RHBDD1: variants seen among roughly 807,000 people sequenced by gnomAD.
The protein encoded by RHBDD1 is rhomboid domain containing 1.
In RHBDD1, 38 loss-of-function variants were observed where a neutral mutation model predicts 36.3. The ratio of observed to expected loss-of-function variants is 1.05; its 90% CI spans 0.81 to 1.37. The LOEUF (loss-of-function observed/expected upper bound fraction) is 1.37. Among genes scored for constraint, RHBDD1 ranks in the 40% most tolerant of loss-of-function variants. The pLI, the probability that RHBDD1 is intolerant of heterozygous loss-of-function variation, is 0.00. For missense variants in RHBDD1, 393 were observed against 377.6 expected, an observed-to-expected ratio of 1.04 and a Z score of -0.34; for synonymous variants, 151 against 136.5, an observed-to-expected ratio of 1.11 and a Z score of -0.74.
chr2:226,908,714 C>G (rs956457544), intron 6 of RHBDD1, 108 bp from the exon 7 acceptor site: 46 of 773,216 alleles, frequency 5.9e-5, no homozygotes, highest in Non-Finnish European at 9.3e-5. Flanking sequence ...GTTTAGAAAT[C>G]ATTTGAAATG....
At chr2:226,884,673 A>G (rs1044593319) in intron 5 of RHBDD1, among the ~76,000 whole-genome samples, 4 of 152,200 alleles carry the variant, frequency 2.6e-5, no homozygotes, top group Admixed American at 2.0e-4. Context: ...TAAAGATAAC[A>G]TAAAAATCAG....
chr2:226,918,388 A>G (rs1461516380), intron 8 of RHBDD1, among the ~76,000 whole-genome samples: 1 of 151,894 alleles, frequency 6.6e-6, no homozygotes, highest in African/African-American at 2.4e-5. Flanking sequence ...GACTCTCATC[A>G]CGCTGTTGTG....
rs368386257 is a variant in RHBDD1, at chr2:226,894,374, A to C, written c.567-12419A>C. ...AACTTCTGCCTCTTGGGCTCAAGTG[A>C]TTCTCCTGCCTCAGCTTCCCAAGTA... On this transcript the variant is annotated intron_variant, in intron 5 of 8. Coordinates refer to ENST00000392062, the MANE Select transcript of RHBDD1 (RefSeq NM_001167608.3). 6.6e-5 allele frequency among the ~76,000 whole-genome samples: 10 copies of C among 152,250 alleles called. No individual in the cohort carries two copies. In the East Asian group the frequency reaches 1.9e-3, roughly 29 times the overall value.
intron 8 of RHBDD1, among the ~76,000 whole-genome samples, chr2:226,962,565 G>A (rs1559316658): frequency 1.3e-5 from 2 of 152,158 alleles, no homozygotes; most frequent in Non-Finnish European, 2.9e-5. Context: ...AAATTCTTCA[G>A]GCTTTTACAT....
At chr2:226,832,345 C>T (rs1475894237), upstream of RHBDD1, among the ~76,000 whole-genome samples, 1 of 152,110 alleles carries the variant, frequency 6.6e-6, no homozygotes, top group African/African-American at 2.4e-5. Flanking sequence ...GGAGAATGTA[C>T]TTTGTATGAT....
intron 8 of RHBDD1, among the ~76,000 whole-genome samples, chr2:226,933,427 A>C: frequency 6.6e-6 from 1 of 152,138 alleles, no homozygotes. Context: ...GGTTCTGAGA[A>C]AACCTGAAAG....
chr2:226,908,037 A>G (rs1000106004), intron 6 of RHBDD1, among the ~76,000 whole-genome samples: 1 of 152,074 alleles, frequency 6.6e-6, no homozygotes, highest in Admixed American at 6.6e-5. Context: ...TTTAAAGAGG[A>G]TTTTCCCCTA....
intron 8 of RHBDD1, among the ~76,000 whole-genome samples, chr2:226,946,346 G>T (rs911530656): frequency 9.9e-5 from 15 of 152,226 alleles, no homozygotes; most frequent in Admixed American, 9.2e-4. Flanking sequence ...TCAAAGATCA[G>T]ATGGTTGTAG....
At chr2:226,925,726 C>A (rs539889651) in intron 8 of RHBDD1, among the ~76,000 whole-genome samples, 1 of 152,266 alleles carries the variant, frequency 6.6e-6, no homozygotes, top group Admixed American at 6.5e-5. Context: ...AGACCTGTTT[C>A]CTTGAAACTA....
chr2:226,878,239 C>T (rs1169777941), intron 5 of RHBDD1, among the ~76,000 whole-genome samples: 1 of 151,066 alleles, frequency 6.6e-6, no homozygotes, highest in African/African-American at 2.4e-5. Context: ...AGAATATGTA[C>T]AATTATATAC....
In RHBDD1 at chr2:226,995,806, T is replaced by C. The variant is rs926724327; in HGVS notation, c.*284T>C. 14 of 415,558 alleles carry C rather than the reference T, an allele frequency of 3.4e-5. No individual in the cohort carries two copies. Among genetic ancestry groups the C allele is most frequent in the Admixed American group, 2.9e-4 (7 of 23,882 alleles). 25.7% of individuals were successfully genotyped at this position (415,558 alleles called of 1,614,324 possible). On this transcript the variant is annotated 3_prime_UTR_variant, in exon 9 of 9. Transcript: ENST00000392062. ...CCATCTCTCACTGCTGACTCAGCGA[T>C]GCCTCTGCCTCGGTCTGCTTTTGAA... is the stretch of plus-strand genomic sequence containing the variant.
intron 5 of RHBDD1, among the ~76,000 whole-genome samples, chr2:226,883,888 A>T (rs1049460193): frequency 1.3e-5 from 2 of 152,214 alleles, no homozygotes; most frequent in Admixed American, 1.3e-4. Context: ...TTAGAAGTTA[A>T]TTACAAATGT....
intron 8 of RHBDD1, among the ~76,000 whole-genome samples, chr2:226,955,219 C>G (rs2149240396): frequency 6.6e-6 from 1 of 152,278 alleles, no homozygotes; most frequent in South Asian, 2.1e-4. Flanking sequence ...AGGTGGGAGA[C>G]AGGAGCCCTG....
chr2:226,949,629 AT>A (rs1437268604), intron 8 of RHBDD1, among the ~76,000 whole-genome samples: 4 of 152,202 alleles, frequency 2.6e-5, no homozygotes, highest in African/African-American at 7.2e-5. Context: ...AATTTGATTA[AT>A]AATTATATTA....
At chr2:226,927,337 TTTTTTTG>T (rs980470476) in intron 8 of RHBDD1, among the ~76,000 whole-genome samples, 15 of 151,756 alleles carry the variant, frequency 9.9e-5, no homozygotes, top group African/African-American at 3.1e-4. Context: ...ACCAGAAGTT[TTTTTTTG>T]TTTTTTTGTT....
At chr2:226,976,450 G>A (rs1217583108) in intron 8 of RHBDD1, among the ~76,000 whole-genome samples, 1 of 151,918 alleles carries the variant, frequency 6.6e-6, no homozygotes, top group Admixed American at 6.6e-5. Flanking sequence ...TTATCAAAAT[G>A]TGTGAGCTTT....
the RHBDD1 span, among the ~76,000 whole-genome samples, chr2:226,800,555 C>T: frequency 1.3e-5 from 2 of 152,166 alleles, no homozygotes; most frequent in African/African-American, 4.8e-5. Flanking sequence ...TAAATATCAC[C>T]TTTTCTCCTG....
At chr2:226,992,288 C>T (rs1317640992) in intron 8 of RHBDD1, among the ~76,000 whole-genome samples, 2 of 152,182 alleles carry the variant, frequency 1.3e-5, no homozygotes, top group Non-Finnish European at 2.9e-5. Flanking sequence ...TAGGGGCTGA[C>T]ATCAACTTTG....
intron 3 of RHBDD1, among the ~76,000 whole-genome samples, chr2:226,853,909 G>A (rs1943074794): frequency 6.6e-6 from 1 of 152,184 alleles, no homozygotes; most frequent in African/African-American, 2.4e-5. Flanking sequence ...TTTAGAATGG[G>A]CAGCTGGACA....
Sources: allele counts gnomAD v4.1 joint callset (sites outside exome capture counted in the v4.1 genomes callset), GRCh38; gene constraint gnomAD v4.1.1; transcripts MANE v1.5; gene names NCBI Gene and HGNC (gene_info 2026-07-23, HGNC 2026-07-21).